Variants in SOX6 observed in about 807,000 individuals in gnomAD.
SOX6 encodes the protein transcription factor SOX-6.
A neutral mutation model predicts 97.8 loss-of-function variants in SOX6; 11 were observed. The ratio of observed to expected loss-of-function variants is 0.11; its 90% CI spans 0.07 to 0.19. SOX6 has a LOEUF of 0.19. SOX6 is among the 10% of genes least tolerant of loss of function. The pLI is 1.00. For synonymous variants in SOX6, 360 were observed against 371.4 expected, an observed-to-expected ratio of 0.97 and a Z score of 0.35; for missense variants, 810 against 1,039.5, an observed-to-expected ratio of 0.78 and a Z score of 3.04.
At chr11:16,618,628 C>T (rs1027284903) in intron 3 of SOX6, among the ~76,000 whole-genome samples, 4 of 151,708 alleles carry the variant, frequency 2.6e-5, no homozygotes, top group African/African-American at 7.2e-5. Flanking sequence ...AAAGCTGTTT[C>T]GTATGCGGTC....
intron 4 of SOX6, among the ~76,000 whole-genome samples, chr11:16,492,717 A>T (rs1414086561): frequency 2.0e-5 from 3 of 152,182 alleles, no homozygotes; most frequent in Non-Finnish European, 2.9e-5. Flanking sequence ...CTTTTGTTGG[A>T]ATCCAAACTA....
At chr11:16,305,225 A>G (rs1023878556) in intron 3 of SOX6, among the ~76,000 whole-genome samples, 6 of 152,198 alleles carry the variant, frequency 3.9e-5, no homozygotes, top group African/African-American at 1.4e-4. Flanking sequence ...CAAAAATAAA[A>G]CAATCCAATT....
intron 3 of SOX6, among the ~76,000 whole-genome samples, chr11:16,287,428 C>G (rs548313364): frequency 6.6e-6 from 1 of 151,774 alleles, no homozygotes; most frequent in Non-Finnish European, 1.5e-5. Context: ...TTCATGCAAT[C>G]CTAATAAGCC....
chr11:16,544,964 C>A (rs2133180217), intron 4 of SOX6, among the ~76,000 whole-genome samples: 1 of 152,190 alleles, frequency 6.6e-6, no homozygotes, highest in East Asian at 1.9e-4. Flanking sequence ...CGGCTCACAT[C>A]TTTAATCTCA....
Position 16,605,082 on chromosome 11 carries a change from G to C in SOX6, n.609+6999C>G, listed in dbSNP as rs11023993. Among the ~76,000 whole-genome samples the C allele has an allele frequency of 0.24, 37,009 of 151,844 alleles. 4,821 individuals are homozygous for C. Among genetic ancestry groups the C allele is most frequent in the Middle Eastern group, 0.31 (90 of 292 alleles). On this transcript the variant is annotated intron_variant and non_coding_transcript_variant, in intron 4 of 5. Coordinates refer to the SOX6 transcript ENST00000524520. The surrounding 1 kb of genome is among the most constrained non-coding windows in gnomAD (Gnocchi z 5.3). ...AGCTCCCGCGGGAGCGGCCGGGCTC[G>C]GGCTGGGTCCCGGGGCGGGTGGCAG...
intron 4 of SOX6, among the ~76,000 whole-genome samples, chr11:16,561,147 G>T (rs555305606): frequency 6.6e-6 from 1 of 151,822 alleles, no homozygotes; most frequent in African/African-American, 2.4e-5. Context: ...AAGAAAGAAC[G>T]GCAGAAATAA....
intron 1 of SOX6, among the ~76,000 whole-genome samples, chr11:16,363,074 G>A (rs904103878): frequency 6.6e-6 from 1 of 152,092 alleles, no homozygotes; most frequent in African/African-American, 2.4e-5. Context: ...ATAAAGCAGT[G>A]AACAAGATAA....
intron 13 of SOX6, among the ~76,000 whole-genome samples, chr11:15,990,452 AG>A (rs1198536638): frequency 6.6e-6 from 1 of 151,772 alleles, no homozygotes; most frequent in Non-Finnish European, 1.5e-5. Context: ...CTAGATTGAA[AG>A]CTCCCTGAAG....
At chr11:16,134,423 T>C (rs1167175275) in intron 6 of SOX6, among the ~76,000 whole-genome samples, 1 of 152,164 alleles carries the variant, frequency 6.6e-6, no homozygotes, top group Non-Finnish European at 1.5e-5. Context: ...GTGTGTATAG[T>C]TTGAATTAGT....
intron 14 of SOX6, among the ~76,000 whole-genome samples, chr11:15,988,192 C>T (rs542948479): frequency 2.8e-4 from 43 of 152,186 alleles, no homozygotes; most frequent in African/African-American, 1.0e-3. Context: ...TGTGTTTTTC[C>T]TTTTTAAAGA....
intron 4 of SOX6, among the ~76,000 whole-genome samples, chr11:16,551,729 G>C (rs996383275): frequency 2.1e-4 from 32 of 151,956 alleles, no homozygotes; most frequent in African/African-American, 7.7e-4. Flanking sequence ...TCAGCCTCCT[G>C]AGTAGCTGGG....
chr11:16,106,920 A>G (rs1849102426), intron 7 of SOX6, among the ~76,000 whole-genome samples: 1 of 152,136 alleles, frequency 6.6e-6, no homozygotes, highest in Non-Finnish European at 1.5e-5. Flanking sequence ...CAAAAATGGG[A>G]AAACTACTTG....
chr11:16,106,482 G>A (rs1185310963), intron 7 of SOX6, among the ~76,000 whole-genome samples: 2 of 151,924 alleles, frequency 1.3e-5, no homozygotes, highest in South Asian at 2.1e-4. Context: ...CATTGAATGG[G>A]GGAAGGGATA....
intron 15 of SOX6, among the ~76,000 whole-genome samples, chr11:15,976,926 C>G (rs982080785): frequency 6.6e-6 from 1 of 152,046 alleles, no homozygotes; most frequent in Non-Finnish European, 1.5e-5. Context: ...CTCCCTAAGG[C>G]CCTCGGAAGA....
intron 9 of SOX6, among the ~76,000 whole-genome samples, chr11:16,092,463 T>C (rs1012436047): frequency 6.6e-6 from 1 of 151,938 alleles, no homozygotes; most frequent in Non-Finnish European, 1.5e-5. Context: ...GATAGTATAG[T>C]AGGAATTAAT....
chr11:16,658,121 T>C (rs898489110), intron 3 of SOX6, among the ~76,000 whole-genome samples: 6 of 152,194 alleles, frequency 3.9e-5, no homozygotes, highest in African/African-American at 1.4e-4. Flanking sequence ...ATCAGCAATA[T>C]AGAAGATTTC....
intron 1 of SOX6, among the ~76,000 whole-genome samples, chr11:16,383,768 C>T (rs1319436891): frequency 1.3e-5 from 2 of 151,960 alleles, no homozygotes; most frequent in Non-Finnish European, 2.9e-5. Flanking sequence ...AGTTTTCCCT[C>T]TTTTCTTATC....
At chr11:16,399,550 G>A (rs1007491792) in intron 1 of SOX6, among the ~76,000 whole-genome samples, 2 of 151,250 alleles carry the variant, frequency 1.3e-5, no homozygotes, top group Non-Finnish European at 3.0e-5. Flanking sequence ...ATGGAAGTTT[G>A]TAAAATGTCT....
chr11:16,357,169 T>C (rs936788767), upstream of SOX6, among the ~76,000 whole-genome samples: 6 of 152,172 alleles, frequency 3.9e-5, no homozygotes, highest in South Asian at 2.1e-4. Flanking sequence ...GCTCAAAAAC[T>C]TGGGCTTGGT....
Sources: allele counts gnomAD v4.1 joint callset (sites outside exome capture counted in the v4.1 genomes callset), GRCh38; gene constraint gnomAD v4.1.1; non-coding constraint Gnocchi (gnomAD v3.1); transcripts MANE v1.5; gene names NCBI Gene and HGNC (gene_info 2026-07-23, HGNC 2026-07-21).